Variants in CLCN7 observed in about 807,000 individuals in gnomAD.
CLCN7 encodes the protein H(+)/Cl(-) exchange transporter 7.
Under a neutral mutation model 102.1 loss-of-function variants are expected in CLCN7, and 60 were observed. The observed-to-expected ratio is 0.59, with a 90% confidence interval of 0.48 to 0.73. CLCN7 has a LOEUF of 0.73. CLCN7 is among the 30% of genes least tolerant of loss of function. The pLI is 0.00. For synonymous variants in CLCN7, 560 were observed against 490.5 expected, an observed-to-expected ratio of 1.14 and a Z score of -1.87; for missense variants, 962 against 1,125.7, an observed-to-expected ratio of 0.85 and a Z score of 2.08.
intron 11 of CLCN7, chr16:1,455,508 C>T: frequency 1.5e-6 from 1 of 661,848 alleles, no homozygotes; most frequent in Non-Finnish European, 2.7e-6. Context: ...TGTTTGATCC[C>T]CTACCCGGGA....
chr16:1,450,110 A>G (rs989548309), intron 17 of CLCN7: 2 of 267,422 alleles, frequency 7.5e-6, no homozygotes, highest in Non-Finnish European at 1.5e-5. Flanking sequence ...TGAGGTCTGG[A>G]GGGCAGTGTA....
intron 21 of CLCN7, 81 bp from the exon 22 acceptor site, chr16:1,447,795 AC>A: frequency 6.9e-7 from 1 of 1,456,966 alleles, no homozygotes; most frequent in Non-Finnish European, 9.4e-7. Flanking sequence ...CCCCGCTCTG[AC>A]CCTGTTCCGG....
chr16:1,448,535 CA>C (rs751083822), intron 20 of CLCN7, 51 bp from the exon 21 acceptor site: 1 of 1,603,884 alleles, frequency 6.2e-7, no homozygotes, highest in South Asian at 1.1e-5. Context: ...CCAACTCCCA[CA>C]GTTACCTCTG....
chr16:1,459,092 C>T lies in CLCN7; in HGVS notation c.675+15G>A. The T allele has an allele frequency of 2.5e-6, 4 of 1,602,280 alleles. No individual in the cohort carries two copies. Among genetic ancestry groups the T allele is most frequent in the Non-Finnish European group, 3.4e-6 (4 of 1,171,558 alleles). On this transcript the variant is annotated intron_variant, in intron 7 of 24. Transcript: ENST00000382745. ...GGGCGCCCACCCTGCCCAGCCAGGG[C>T]CACCGCACCCTCACCTTGAGCCGCA... is the stretch of plus-strand genomic sequence containing the variant.
chr16:1,446,784 C>T, intron 24 of CLCN7, 67 bp from the exon 25 acceptor site: 1 of 1,387,956 alleles, frequency 7.2e-7, no homozygotes, highest in Non-Finnish European at 1.0e-6. Context: ...AGCTCCCTGC[C>T]TTGTGTGTGG....
At chr16:1,447,751 A>C in intron 21 of CLCN7, 37 bp from the exon 22 acceptor site, 1 of 1,545,328 alleles carries the variant, frequency 6.5e-7, no homozygotes, top group Non-Finnish European at 8.7e-7. Flanking sequence ...CACGGGCCCG[A>C]GGGTGGGAGG....
rs184089655 is a variant in CLCN7, at chr16:1,455,785, C to A, written c.927G>T (p.Leu309=). 6.2e-7 allele frequency: 1 copy of A among 1,613,484 alleles called. No individual in the cohort carries two copies. The highest frequency in any genetic ancestry group is 1.3e-5 in the African/African-American group (1 of 74,932). The change falls in exon 11 of 25, where the codon CTG becomes CTT. Residue 309 remains leucine (L), a synonymous_variant. Coordinates refer to ENST00000382745, the MANE Select transcript of CLCN7 (RefSeq NM_001287.6). ...AAFGAPVGGV[L]FSLEEGASFW... Reference sequence around the variant, plus strand: ...AGGACGCACCCTCCTCCAAGCTGAACAGGACCCCACCTGGAAGGCAGGCGG... The same window carrying A: ...AGGACGCACCCTCCTCCAAGCTGAAAAGGACCCCACCTGGAAGGCAGGCGG...
At position 1,460,844 on chromosome 16, in the gene CLCN7, A is replaced by T. The variant is rs765647392; in HGVS notation, c.456T>A (p.Ala152=). 1 of 1,614,044 alleles carries T rather than the reference A, an allele frequency of 6.2e-7. No individual in the cohort carries two copies. Among genetic ancestry groups the T allele is most frequent in the East Asian group, 2.2e-5 (1 of 44,872 alleles). The change falls in exon 5 of 25, where the codon GCT becomes GCA. Residue 152 remains alanine, a synonymous_variant. Coordinates refer to ENST00000382745, the MANE Select transcript of CLCN7 (RefSeq NM_001287.6). ...CFIDIVVENL[A]GLKYRVIKGN... ...CCTTGATGACCCTGTACTTGAGGCC[A>T]GCCAGGTTTTCCACCACGATGTCAA... is the stretch of plus-strand genomic sequence containing the variant.
rs2038658698 is a variant in CLCN7 at position 1,447,021 on chromosome 16, C to T, written c.2316G>A (p.Val772=). The part of the protein sequence containing the change: ...RALGLRHLVV[V]DNRNQVVGLV... The stretch of plus-strand genomic sequence containing the variant: ...CCCCGCTCACCTGATTGCGGTTGTC[C>T]ACCACCACCAGGTGCCGCAGGCCCA... Residue 772 remains valine (V), a synonymous_variant, in exon 24 of 25, where the codon GTG becomes GTA. Transcript: ENST00000382745. The T allele has an allele frequency of 1.9e-6, 3 of 1,598,374 alleles. No individual in the cohort carries two copies. Among genetic ancestry groups the T allele is most frequent in the South Asian group, 1.1e-5 (1 of 89,550 alleles).
chr16:1,447,275 G>A (rs1202927970), intron 23 of CLCN7, 117 bp downstream of exon 23: 4 of 1,219,936 alleles, frequency 3.3e-6, no homozygotes, highest in Non-Finnish European at 4.6e-6. Flanking sequence ...ACAGGAGACA[G>A]AGTCACCGAG....
At chr16:1,450,742 TCGGGCC>T in intron 16 of CLCN7, 76 bp from the exon 17 acceptor site, 2 of 1,218,252 alleles carry the variant, frequency 1.6e-6, no homozygotes, top group Admixed American at 2.9e-5. Context: ...CTGCCCAGTC[TCGGGCC>T]TCACAGTCAC....
chr16:1,456,114 C>T lies in CLCN7; in HGVS notation c.915G>A (p.Val305=), dbSNP rs2038831448. The stretch of plus-strand genomic sequence containing the variant: ...TGGACCCGGTGCGGCCCTCCTCACC[C>T]ACGGGGGCTCCAAACGCCGCTGACA... ...AGVSAAFGAP[V]GGVLFSLEEG... is the part of the protein sequence containing the mutation. Residue 305 remains valine (V), a splice_region_variant and synonymous_variant, in exon 10 of 25, where the codon GTG becomes GTA. Transcript: ENST00000382745. 1.9e-6 allele frequency: 3 copies of T among 1,554,102 alleles called. No individual in the cohort carries two copies. In the East Asian group the frequency reaches 7.3e-5, roughly 38 times the overall value.
intron 11 of CLCN7, 158 bp from the exon 12 acceptor site, chr16:1,455,408 C>A (rs376835687): frequency 7.0e-6 from 5 of 715,760 alleles, no homozygotes; most frequent in Non-Finnish European, 1.3e-5. Flanking sequence ...CAGGGGTGGG[C>A]GCACTGTGCG....
rs751302188 is a variant in CLCN7, at chr16:1,450,517, A to G, written c.1597T>C (p.Ser533Pro). 6.2e-7 allele frequency: 1 copy of G among 1,608,038 alleles called. No individual in the cohort carries two copies. The highest frequency in any genetic ancestry group is 8.5e-7 in the Non-Finnish European group (1 of 1,178,032). The part of the protein sequence containing the change: ...AWGRLFGISL[S>P]YLTGAAIWAD... ...CTCACCGCCGCCCCCGTGAGGTAGG[A>G]CAGGGAGATCCCAAAGAGCCGGCCC... The change falls in exon 17 of 25, where the codon TCC (serine) becomes CCC (proline). Residue 533 changes from serine to proline, a missense_variant. Transcript: ENST00000382745.
chr16:1,474,513 G>A, intron 1 of CLCN7: 1 of 325,676 alleles, frequency 3.1e-6, no homozygotes, highest in Non-Finnish European at 5.8e-6. Flanking sequence ...GCCAGTCTGG[G>A]GGACACCGGA....
At position 1,461,655 on chromosome 16, in the gene CLCN7, G is replaced by A. The variant is rs1479961601; in HGVS notation, c.233C>T (p.Pro78Leu). Residue 78 changes from proline (P) to leucine (L), a missense_variant, in exon 3 of 25, where the codon CCC (proline) becomes CTC (leucine). Pro to Leu is a moderately conservative substitution (Grantham distance 98). Transcript: ENST00000382745. Reference protein sequence around the residue: ...LLDPDMDPPHPFPKEIPHNEK... With the variant: ...LLDPDMDPPHLFPKEIPHNEK... ...GTTGTGTGGGATCTCCTTGGGGAAGGGATGTGGAGGGTCCATATCCTGTGG... is the reference window on the plus strand; with the variant it reads ...GTTGTGTGGGATCTCCTTGGGGAAGAGATGTGGAGGGTCCATATCCTGTGG... 1.5e-5 allele frequency: 24 copies of A among 1,614,120 alleles called. No individual in the cohort carries two copies. The highest frequency in any genetic ancestry group is 3.3e-5 in the South Asian group (3 of 91,072).
Position 1,461,732 on chromosome 16 carries a change from C to A in CLCN7, c.214-58G>T, listed in dbSNP as rs370214096. ...GTTGACAAGGCCACAAGGAGAGAGG[C>A]CCCTCTCAGCTCACACACGAGGCCA... On this transcript the variant is annotated intron_variant, in intron 2 of 24. Transcript: ENST00000382745. 2.9e-5 allele frequency: 41 copies of A among 1,404,646 alleles called. No individual in the cohort carries two copies. In the Middle Eastern group the frequency reaches 5.4e-4, roughly 19 times the overall value. 87.0% of individuals were successfully genotyped at this position (1,404,646 alleles called of 1,614,324 possible). A position where few individuals can be genotyped will look rare whatever the true frequency, so the allele number is the denominator to read the frequency against.
Position 1,449,029 on chromosome 16 carries a change from G to T in CLCN7, c.1734C>A (p.Thr578=). 6.2e-7 allele frequency: 1 copy of T among 1,612,862 alleles called. No homozygotes were observed. Among genetic ancestry groups the T allele is most frequent in the Non-Finnish European group, 8.5e-7 (1 of 1,180,006 alleles). Residue 578 remains threonine (T), a synonymous_variant, in exon 19 of 25, where the codon ACC becomes ACA. Coordinates refer to ENST00000382745, the MANE Select transcript of CLCN7 (RefSeq NM_001287.6). ...VIMMEATSNV[T]YGFPIMLVLM... ...GCACCAGCATGATGGGGAAGCCGTA[G>T]GTCACGTTGCTGGTGGCCTCCATCA...
chr16:1,461,090 G>T, intron 4 of CLCN7, 142 bp from the exon 5 acceptor site: 1 of 1,182,958 alleles, frequency 8.5e-7, no homozygotes, highest in Non-Finnish European at 1.2e-6. Context: ...ACAAAGGACA[G>T]TTTCTGGCCA....
Sources: gnomAD v4.1 joint callset for allele counts on GRCh38, gnomAD v4.1.1 for gene constraint, MANE v1.5 for transcripts, NCBI Gene and HGNC (gene_info 2026-07-23, HGNC 2026-07-21) for gene names.